Variants in C1orf146 observed in about 807,000 individuals in gnomAD.
C1orf146 encodes the protein chromosome 1 open reading frame 146, also known as protein SPO16 homolog.
In C1orf146, 22 loss-of-function variants were observed where a neutral mutation model predicts 23.0. The observed-to-expected ratio is 0.96, with a 90% CI of 0.68 to 1.36. The LOEUF (loss-of-function observed/expected upper bound fraction) is 1.36. Among genes scored for constraint, C1orf146 ranks in the 40% most tolerant of loss-of-function variants. C1orf146 has a pLI of 0.00. For synonymous variants in C1orf146, 59 were observed against 65.3 expected, an observed-to-expected ratio of 0.90 and a Z score of 0.47; for missense variants, 199 against 206.8, an observed-to-expected ratio of 0.96 and a Z score of 0.23.
intron 1 of C1orf146, among the ~76,000 whole-genome samples, chr1:92,220,478 T>C (rs1651793790): frequency 6.6e-6 from 1 of 152,204 alleles, no homozygotes; most frequent in South Asian, 2.1e-4. Flanking sequence ...ATCTAGGCTA[T>C]ATGGTATAGC....
intron 2 of C1orf146, among the ~76,000 whole-genome samples, chr1:92,234,506 G>A (rs1433655508): frequency 1.3e-5 from 2 of 152,064 alleles, no homozygotes; most frequent in African/African-American, 2.4e-5. Context: ...TGCTGCATTC[G>A]GTTTGCCAGT....
chr1:92,245,204 T>A (rs539915286), intron 5 of C1orf146, among the ~76,000 whole-genome samples: 22 of 152,294 alleles, frequency 1.4e-4, no homozygotes, highest in African/African-American at 4.8e-4. Flanking sequence ...CATCTACCAA[T>A]TGTCTACTTT....
intron 2 of C1orf146, chr1:92,240,748 T>A (rs1380681825): frequency 1.5e-5 from 3 of 202,574 alleles, no homozygotes; most frequent in African/African-American, 7.1e-5. Context: ...GTTCTCAAAC[T>A]CCTGGGCTGA....
At chr1:92,243,932 C>T (rs1374530609) in intron 3 of C1orf146, among the ~76,000 whole-genome samples, 1 of 151,076 alleles carries the variant, frequency 6.6e-6, no homozygotes, top group African/African-American at 2.4e-5. Context: ...CCAGTATCTT[C>T]ATGTGGACAA....
At chr1:92,230,202 A>G (rs1394149365) in intron 1 of C1orf146, among the ~76,000 whole-genome samples, 2 of 151,800 alleles carry the variant, frequency 1.3e-5, no homozygotes, top group African/African-American at 2.4e-5. Flanking sequence ...AGTGGCTCAC[A>G]CTTGTAATCC....
rs745553419 is a variant in C1orf146, at chr1:92,244,758, A to G, written c.330-21A>G. Reference sequence around the variant, plus strand: ...GATGTCAGCAAGTTATATGATCTGTATAACATGAATTGTTTTTCAGATTCC... The same window carrying G: ...GATGTCAGCAAGTTATATGATCTGTGTAACATGAATTGTTTTTCAGATTCC... On this transcript the variant is annotated intron_variant, in intron 4 of 5. Coordinates refer to ENST00000370375, the MANE Select transcript of C1orf146 (RefSeq NM_001012425.2). 1.1e-5 allele frequency: 17 copies of G among 1,481,576 alleles called. No homozygotes were observed. In the South Asian group the frequency reaches 1.6e-4, roughly 14 times the overall value. The allele number at this position is 1,481,576 out of a possible 1,614,324, so 91.8% of individuals were successfully genotyped here.
At chr1:92,245,439 A>C (rs1446768814) in intron 5 of C1orf146, 101 bp from the exon 6 acceptor site, 1 of 886,300 alleles carries the variant, frequency 1.1e-6, no homozygotes, top group Non-Finnish European at 1.8e-6. Flanking sequence ...AAGATGATCA[A>C]GAGATTTGCT....
chr1:92,235,072 A>G (rs1353694341), intron 2 of C1orf146, among the ~76,000 whole-genome samples: 4 of 152,108 alleles, frequency 2.6e-5, no homozygotes, highest in African/African-American at 9.6e-5. Flanking sequence ...TCCTGGATTC[A>G]TTAATTTTTT....
intron 1 of C1orf146, among the ~76,000 whole-genome samples, chr1:92,219,458 G>A (rs994973632): frequency 7.0e-6 from 1 of 143,212 alleles, no homozygotes; most frequent in African/African-American, 2.5e-5. Context: ...CACCTTGGGA[G>A]ATACTAACTT....
At chr1:92,219,376 A>C (rs948197761) in intron 1 of C1orf146, among the ~76,000 whole-genome samples, 2 of 152,150 alleles carry the variant, frequency 1.3e-5, no homozygotes, top group African/African-American at 4.8e-5. Context: ...TGAGGAAATT[A>C]GAGAGCAGCT....
chr1:92,244,315 A>G lies in C1orf146; in HGVS notation c.259A>G (p.Ser87Gly). The G allele has an allele frequency of 6.2e-7, 1 of 1,612,780 alleles. No homozygotes were observed. The part of the protein sequence containing the change: ...IEKFINIHQN[S>G]FLVLSAALHG... ...GAAATTTATTAACATTCACCAAAATAGTTTTTTGGTTTTGTCTGCTGCCCT... is the reference window on the plus strand; with the variant it reads ...GAAATTTATTAACATTCACCAAAATGGTTTTTTGGTTTTGTCTGCTGCCCT... The change falls in exon 4 of 6, where the codon AGT (serine) becomes GGT (glycine). Residue 87 changes from serine to glycine, a missense_variant. Coordinates refer to ENST00000370375, the MANE Select transcript of C1orf146 (RefSeq NM_001012425.2).
chr1:92,227,950 T>C (rs1346335806), intron 1 of C1orf146, among the ~76,000 whole-genome samples: 1 of 152,202 alleles, frequency 6.6e-6, no homozygotes, highest in Non-Finnish European at 1.5e-5. Context: ...GAAAATTGAC[T>C]TGGCCACTCT....
chr1:92,223,723 G>T (rs1651893258), intron 1 of C1orf146, among the ~76,000 whole-genome samples: 1 of 151,852 alleles, frequency 6.6e-6, no homozygotes, highest in Admixed American at 6.6e-5. Context: ...TAGTAGAAAT[G>T]GGTTTTCACC....
intron 1 of C1orf146, among the ~76,000 whole-genome samples, chr1:92,221,286 C>T (rs1373960053): frequency 6.6e-6 from 1 of 152,050 alleles, no homozygotes; most frequent in Non-Finnish European, 1.5e-5. Flanking sequence ...CCATTGAGTA[C>T]ATATGGACAT....
In C1orf146 at chr1:92,243,824, T is replaced by C. The variant is rs574804544; in HGVS notation, c.161-393T>C. 6.6e-5 allele frequency among the ~76,000 whole-genome samples: 10 copies of C among 152,330 alleles called. No individual in the cohort carries two copies. The South Asian group carries it at 2.1e-3, about 32-fold the overall frequency. On this transcript the variant is annotated intron_variant, in intron 3 of 5. Transcript: ENST00000370375. ...CCTACACATATCTTCATCTGTATCC[T>C]TTGTAGTGTCCTTTATAATAAACTA...
intron 1 of C1orf146, among the ~76,000 whole-genome samples, chr1:92,229,691 A>G (rs1326220700): frequency 6.6e-6 from 1 of 152,242 alleles, no homozygotes; most frequent in Non-Finnish European, 1.5e-5. Context: ...TACATTGGAA[A>G]TAATAATTTG....
At chr1:92,242,360 T>A in intron 3 of C1orf146, 55 bp downstream of exon 3, 1 of 927,142 alleles carries the variant, frequency 1.1e-6, no homozygotes, top group Non-Finnish European at 1.7e-6. Context: ...TTGGTATAAA[T>A]TCTAATGACT....
intron 1 of C1orf146, among the ~76,000 whole-genome samples, chr1:92,225,110 CTT>C (rs36035933): frequency 6.7e-4 from 81 of 120,530 alleles, no homozygotes; most frequent in Middle Eastern, 4.6e-3. Flanking sequence ...GGTTTAGCCT[CTT>C]TTTTTTTTTT....
intron 1 of C1orf146, among the ~76,000 whole-genome samples, chr1:92,225,100 G>A (rs1039897420): frequency 1.4e-4 from 20 of 139,860 alleles, no homozygotes; most frequent in Admixed American, 1.3e-3. Flanking sequence ...CTTCTTTTCC[G>A]GTTTAGCCTC....
Sources: gnomAD v4.1 joint callset for allele counts (sites outside exome capture counted in the v4.1 genomes callset) on GRCh38, gnomAD v4.1.1 for gene constraint, MANE v1.5 for transcripts, NCBI Gene and HGNC (gene_info 2026-07-23, HGNC 2026-07-21) for gene names.